LRRC4C: variants seen among roughly 807,000 people sequenced by gnomAD.
LRRC4C encodes leucine-rich repeat-containing protein 4C.
Under a neutral mutation model 33.6 loss-of-function variants are expected in LRRC4C, and 5 were observed. That is an observed-to-expected ratio of 0.15 (90% confidence interval 0.08 to 0.31). The LOEUF is 0.31. Ranked by LOEUF, LRRC4C falls within the 10% of genes least tolerant of loss-of-function variation. The pLI is 1.00. For missense variants in LRRC4C, 560 were observed against 796.7 expected, an observed-to-expected ratio of 0.70 and a Z score of 3.58; for synonymous variants, 329 against 302.0, an observed-to-expected ratio of 1.09 and a Z score of -0.93.
intron 3 of LRRC4C, among the ~76,000 whole-genome samples, chr11:40,644,410 G>A (rs1942315397): frequency 6.6e-6 from 1 of 152,096 alleles, no homozygotes; most frequent in African/African-American, 2.4e-5. Flanking sequence ...CCCAGCAATT[G>A]TTTGTCTGGC....
chr11:41,026,764 G>T (rs983928184), intron 1 of LRRC4C, among the ~76,000 whole-genome samples: 2 of 150,558 alleles, frequency 1.3e-5, no homozygotes, highest in Admixed American at 1.3e-4. Flanking sequence ...ATGACTTGCT[G>T]TAGGCTCAGA....
chr11:40,981,121 A>C (rs1852489659), intron 1 of LRRC4C, among the ~76,000 whole-genome samples: 1 of 152,168 alleles, frequency 6.6e-6, no homozygotes, highest in African/African-American at 2.4e-5. Flanking sequence ...TGTGGCTGAA[A>C]AATCTAATTG....
intron 4 of LRRC4C, among the ~76,000 whole-genome samples, chr11:40,273,769 G>A (rs146448174): frequency 3.8e-4 from 58 of 152,226 alleles, no homozygotes; most frequent in Middle Eastern, 3.4e-3. Context: ...GTTATTATAT[G>A]CTAAGGCAAA....
intron 3 of LRRC4C, among the ~76,000 whole-genome samples, chr11:40,473,631 G>T (rs912278486): frequency 6.6e-6 from 1 of 152,012 alleles, no homozygotes; most frequent in Non-Finnish European, 1.5e-5. Context: ...AGAAATAAAG[G>T]GTACTCAAAT....
chr11:40,748,214 A>C (rs900994276), intron 2 of LRRC4C, among the ~76,000 whole-genome samples: 1 of 152,130 alleles, frequency 6.6e-6, no homozygotes, highest in Non-Finnish European at 1.5e-5. Context: ...CAGTTTTCTC[A>C]GGAGAAACTT....
At chr11:40,278,059 C>T (rs1943236985) in intron 4 of LRRC4C, among the ~76,000 whole-genome samples, 1 of 152,146 alleles carries the variant, frequency 6.6e-6, no homozygotes, top group Non-Finnish European at 1.5e-5. Flanking sequence ...ATTCTCAATT[C>T]TGAGCATGTC....
intron 4 of LRRC4C, among the ~76,000 whole-genome samples, chr11:40,272,409 T>C (rs1431025308): frequency 6.6e-6 from 1 of 152,116 alleles, no homozygotes; most frequent in Non-Finnish European, 1.5e-5. Context: ...CTACATAAAA[T>C]AGATAATAAG....
At chr11:40,659,898 G>C (rs997367920) in intron 2 of LRRC4C, among the ~76,000 whole-genome samples, 6 of 152,190 alleles carry the variant, frequency 3.9e-5, no homozygotes, top group African/African-American at 1.4e-4. Flanking sequence ...AAGTACTCAG[G>C]ATGTACCAAA....
At chr11:40,397,270 A>G (rs1949579464) in intron 3 of LRRC4C, among the ~76,000 whole-genome samples, 1 of 152,144 alleles carries the variant, frequency 6.6e-6, no homozygotes, top group Non-Finnish European at 1.5e-5. Context: ...GACGAAGTAG[A>G]GAAAAATTTA....
chr11:40,811,720 C>T (rs1169893756), intron 2 of LRRC4C, among the ~76,000 whole-genome samples: 1 of 152,136 alleles, frequency 6.6e-6, no homozygotes, highest in Admixed American at 6.5e-5. Flanking sequence ...TGGTCTCAAA[C>T]TCTGAGCTCA....
intron 3 of LRRC4C, among the ~76,000 whole-genome samples, chr11:40,532,857 T>C (rs1350144409): frequency 6.6e-6 from 1 of 152,114 alleles, no homozygotes; most frequent in Non-Finnish European, 1.5e-5. Flanking sequence ...CAGTTTCGCA[T>C]GGCTGGAGAG....
At chr11:40,887,964 A>C (rs767581185) in intron 2 of LRRC4C, among the ~76,000 whole-genome samples, 4 of 151,888 alleles carry the variant, frequency 2.6e-5, no homozygotes, top group Non-Finnish European at 5.9e-5. Context: ...AAACATGTAA[A>C]AGTTTGGTTA....
chr11:40,504,104 A>C (rs1954915228), intron 3 of LRRC4C, among the ~76,000 whole-genome samples: 1 of 152,168 alleles, frequency 6.6e-6, no homozygotes, highest in Non-Finnish European at 1.5e-5. Flanking sequence ...ATTTTCACCC[A>C]CAATTCCAAA....
intron 5 of LRRC4C, among the ~76,000 whole-genome samples, chr11:40,155,238 A>C (rs1462202330): frequency 6.6e-6 from 1 of 152,250 alleles, no homozygotes; most frequent in East Asian, 1.9e-4. Flanking sequence ...ATGGCCCTAA[A>C]TGCCCACATC....
intron 2 of LRRC4C, among the ~76,000 whole-genome samples, chr11:40,883,116 G>C (rs1955266897): frequency 6.6e-6 from 1 of 151,990 alleles, no homozygotes; most frequent in East Asian, 1.9e-4. Flanking sequence ...CTATTCCCAT[G>C]TCCTGTCATT....
At chr11:40,411,298 G>A (rs191780192) in intron 3 of LRRC4C, among the ~76,000 whole-genome samples, 59 of 152,180 alleles carry the variant, frequency 3.9e-4, no homozygotes, top group African/African-American at 1.3e-3. Flanking sequence ...TTGACTTGTA[G>A]TCACAGAGTT....
chr11:41,014,488 GTT>G lies in LRRC4C; in HGVS notation c.-495-80767_-495-80766del, dbSNP rs11293192. On this transcript the variant is annotated intron_variant, in intron 1 of 6. Transcript: ENST00000528697. ...GTACAGATTATTTTTTTCTATTGCA[GTT>G]TTTTTTTTTTTTTCTGAGCCAAGAT... is the stretch of plus-strand genomic sequence containing the variant. Among the ~76,000 whole-genome samples, 175 of 140,844 alleles carry G rather than the reference GTT, an allele frequency of 1.2e-3. 1 individual carries two copies. Among genetic ancestry groups the G allele is most frequent in the Middle Eastern group, 7.4e-3 (2 of 270 alleles). 92.4% of individuals were successfully genotyped at this position (140,844 alleles called of 152,430 possible).
rs1240653593 is a variant in LRRC4C, at chr11:40,881,651, GT to G, written c.-407+51983del. ...GTGTTCATTTTTAATGGCAGTTGTA[GT>G]TTTTTTCTTTTTTTTTTTTACTGGA... On this transcript the variant is annotated intron_variant, in intron 2 of 6. Transcript: ENST00000528697. Among the ~76,000 whole-genome samples, 4 of 76,238 alleles carry G rather than the reference GT, an allele frequency of 5.2e-5. No homozygotes were observed. The East Asian group carries it at 1.1e-3, about 21-fold the overall frequency. The allele number at this position is 76,238 out of a possible 152,430, so 50.0% of individuals were successfully genotyped here. A position where few individuals can be genotyped will look rare whatever the true frequency, so the allele number is the denominator to read the frequency against.
chr11:41,164,018 T>G (rs1944603827), intron 1 of LRRC4C, among the ~76,000 whole-genome samples: 2 of 152,190 alleles, frequency 1.3e-5, no homozygotes, highest in African/African-American at 4.8e-5. Flanking sequence ...CTATAGTGTG[T>G]AATGATTAAA....
Sources: allele counts gnomAD v4.1 joint callset (sites outside exome capture counted in the v4.1 genomes callset), GRCh38; gene constraint gnomAD v4.1.1; transcripts MANE v1.5; gene names NCBI Gene and HGNC (gene_info 2026-07-23, HGNC 2026-07-21).